The following IFT81 variants were observed in gnomAD, a reference collection of about 807,000 sequenced individuals.
IFT81 encodes the protein intraflagellar transport protein 81 homolog.
IFT81 carries 72 observed loss-of-function variants against 102.6 expected under a neutral mutation model. That is an observed-to-expected ratio of 0.70 (90% confidence interval 0.58 to 0.85). The LOEUF is 0.85. Among genes scored for constraint, IFT81 ranks in the 40% least tolerant of loss-of-function variants. The pLI is 0.00. For synonymous variants in IFT81, 237 were observed against 242.7 expected, an observed-to-expected ratio of 0.98 and a Z score of 0.22; for missense variants, 723 against 787.3, an observed-to-expected ratio of 0.92 and a Z score of 0.98.
intron 12 of IFT81, among the ~76,000 whole-genome samples, chr12:110,182,736 G>A (rs1897359188): frequency 6.6e-6 from 1 of 152,144 alleles, no homozygotes. Context: ...AGTGTCAAGG[G>A]CCTCTTAATG....
chr12:110,149,671 T>C (rs1432684984), intron 10 of IFT81, among the ~76,000 whole-genome samples: 2 of 152,136 alleles, frequency 1.3e-5, no homozygotes, highest in Non-Finnish European at 2.9e-5. Context: ...GTGGCCTGAC[T>C]CTTCTTTGAC....
intron 14 of IFT81, among the ~76,000 whole-genome samples, chr12:110,201,471 G>A (rs1213831733): frequency 6.7e-6 from 1 of 150,124 alleles, no homozygotes; most frequent in East Asian, 2.0e-4. Context: ...TGCTCTTGTC[G>A]CCCAGGCTGA....
At chr12:110,199,246 C>T (rs1442730621) in intron 14 of IFT81, among the ~76,000 whole-genome samples, 2 of 152,100 alleles carry the variant, frequency 1.3e-5, no homozygotes, top group African/African-American at 4.8e-5. Flanking sequence ...CTGATTCTCA[C>T]TCCTAATGAA....
chr12:110,182,449 A>T (rs1397511612), intron 12 of IFT81, among the ~76,000 whole-genome samples: 2 of 152,036 alleles, frequency 1.3e-5, no homozygotes, highest in Non-Finnish European at 2.9e-5. Context: ...TAGATGACTT[A>T]CTTGGTGGGA....
chr12:110,214,324 T>C (rs920803920), intron 18 of IFT81, among the ~76,000 whole-genome samples: 2 of 152,004 alleles, frequency 1.3e-5, no homozygotes, highest in Admixed American at 1.3e-4. Flanking sequence ...TTTAAGCAAG[T>C]GAACCAATGA....
intron 12 of IFT81, among the ~76,000 whole-genome samples, chr12:110,183,088 T>A (rs1897376552): frequency 6.6e-6 from 1 of 152,198 alleles, no homozygotes. Context: ...TAGTATGTGG[T>A]AAAATTACTG....
At chr12:110,134,567 T>C (rs1309955573) in intron 5 of IFT81, among the ~76,000 whole-genome samples, 1 of 152,206 alleles carries the variant, frequency 6.6e-6, no homozygotes, top group Non-Finnish European at 1.5e-5. Context: ...GGCTTGGTAT[T>C]TAACAGAACA....
At chr12:110,146,307 C>G (rs1207182338) in intron 9 of IFT81, among the ~76,000 whole-genome samples, 1 of 152,094 alleles carries the variant, frequency 6.6e-6, no homozygotes, top group African/African-American at 2.4e-5. Flanking sequence ...TGATAGTTAT[C>G]GAAGAATCAC....
At chr12:110,208,195 A>G (rs898605304) in intron 17 of IFT81, among the ~76,000 whole-genome samples, 1 of 152,182 alleles carries the variant, frequency 6.6e-6, no homozygotes, top group African/African-American at 2.4e-5. Context: ...ATACATACAT[A>G]TGTATATAAA....
Position 110,190,985 on chromosome 12 carries a change from A to G in IFT81, c.1404A>G (p.Val468=), listed in dbSNP as rs769543558. 3 of 1,610,336 alleles carry G rather than the reference A, an allele frequency of 1.9e-6. No homozygotes were observed. Among genetic ancestry groups the G allele is most frequent in the East Asian group, 2.2e-5 (1 of 44,684 alleles). The change falls in exon 13 of 19, where the codon GTA becomes GTG. Residue 468 remains valine (V), a synonymous_variant. Coordinates refer to ENST00000242591, the MANE Select transcript of IFT81 (RefSeq NM_014055.4). ...ACACCCAAGAAGAGCTAGAAAGAGT[A>G]TCTGCACTGAAGAGTGAAGTTGATG... ...YSYTQEELER[V]SALKSEVDEM...
chr12:110,127,533 TTTCTC>T lies in IFT81; in HGVS notation c.144+12_144+16del. 6.3e-7 allele frequency: 1 copy of T among 1,578,548 alleles called. No homozygotes were observed. The highest frequency in any genetic ancestry group is 1.4e-5 in the African/African-American group (1 of 72,836). ...CTGAGATTGACCCAAAGGTAAGAGT[TTTCTC>T]TTTCTTTTTGATGGGTAGCAGAAAG... On this transcript the variant is annotated intron_variant, in intron 2 of 18. Coordinates refer to ENST00000242591, the MANE Select transcript of IFT81 (RefSeq NM_014055.4).
At chr12:110,179,843 A>G (rs1042436063) in intron 11 of IFT81, among the ~76,000 whole-genome samples, 1 of 139,760 alleles carries the variant, frequency 7.2e-6, no homozygotes, top group Non-Finnish European at 1.5e-5. Flanking sequence ...TATACACATA[A>G]TATATATATA....
chr12:110,159,505 T>C (rs1896025132), intron 10 of IFT81, among the ~76,000 whole-genome samples: 1 of 152,216 alleles, frequency 6.6e-6, no homozygotes. Flanking sequence ...TCCCCGGACA[T>C]GTGTCATCAC....
intron 8 of IFT81, among the ~76,000 whole-genome samples, chr12:110,139,818 T>TAAAATAAATA (rs1555260154): frequency 1.9e-5 from 2 of 105,500 alleles, no homozygotes; most frequent in African/African-American, 7.2e-5. Context: ...TAAAATAAAA[T>TAAAATAAATA]AAATAAAATA....
chr12:110,180,374 G>A, intron 11 of IFT81, 48 bp from the exon 12 acceptor site: 1 of 1,234,048 alleles, frequency 8.1e-7, no homozygotes. Flanking sequence ...ATGATATTTA[G>A]CTACTACTTT....
rs1242175992 is a variant in IFT81 at position 110,162,149 on chromosome 12, G to A, written c.1042-770G>A. Among the ~76,000 whole-genome samples, 6 of 152,048 alleles carry A rather than the reference G, an allele frequency of 3.9e-5. No individual in the cohort carries two copies. The East Asian group carries it at 5.8e-4, about 15-fold the overall frequency. ...TTTTAACATTTCATTTTAAAAGTAC[G>A]GATATTGAATTTAGTAAGATGACCT... On this transcript the variant is annotated intron_variant, in intron 10 of 18. Coordinates refer to ENST00000242591, the MANE Select transcript of IFT81 (RefSeq NM_014055.4).
rs1261662878 is a variant in IFT81 at position 110,143,493 on chromosome 12, T to C, written c.893T>C (p.Val298Ala). The C allele has an allele frequency of 6.4e-7, 1 of 1,551,168 alleles. No individual in the cohort carries two copies. Among genetic ancestry groups the C allele is most frequent in the South Asian group, 1.3e-5 (1 of 78,258 alleles). Residue 298 changes from valine to alanine, a missense_variant, in exon 9 of 19, where the codon GTA becomes GCA. Val to Ala is a moderately conservative substitution (Grantham distance 64). Transcript: ENST00000242591. ...AAGGAATTACATTTTTTACAAAAAG[T>C]AGTTTCAGAGCCAGCTATGGGCCAT... is the stretch of plus-strand genomic sequence containing the variant. ...KKKELHFLQK[V>A]VSEPAMGHSD... is the part of the protein sequence containing the mutation.
intron 7 of IFT81, among the ~76,000 whole-genome samples, chr12:110,136,539 C>T (rs1211777882): frequency 6.6e-6 from 1 of 152,098 alleles, no homozygotes; most frequent in African/African-American, 2.4e-5. Flanking sequence ...CCTTAAACCG[C>T]AAATTCAGTA....
chr12:110,148,791 G>C (rs1407093103), intron 10 of IFT81, among the ~76,000 whole-genome samples: 2 of 152,124 alleles, frequency 1.3e-5, no homozygotes, highest in Non-Finnish European at 2.9e-5. Flanking sequence ...CTTTTATAAA[G>C]AGAAAACCTC....
Sources: allele counts gnomAD v4.1 joint callset (sites outside exome capture counted in the v4.1 genomes callset), GRCh38; gene constraint gnomAD v4.1.1; transcripts MANE v1.5; gene names NCBI Gene and HGNC (gene_info 2026-07-23, HGNC 2026-07-21).